The following PLEKHM3 variants were observed in gnomAD, a reference collection of about 807,000 sequenced individuals.
The protein encoded by PLEKHM3 is pleckstrin homology domain-containing family M member 3.
In PLEKHM3, 45 loss-of-function variants were observed where a neutral mutation model predicts 81.8. That is an observed-to-expected ratio of 0.55 (90% CI 0.43 to 0.71). The LOEUF is 0.71. Ranked by LOEUF, PLEKHM3 falls within the 30% of genes least tolerant of loss-of-function variation. The probability of loss-of-function intolerance (pLI) is 0.00; values close to 1 mark genes in which losing one functional copy is unlikely to be tolerated. For missense variants in PLEKHM3, 788 were observed against 924.3 expected (o/e 0.85, Z 1.91); for synonymous variants, 352 against 356.4 (o/e 0.99, Z 0.14).
At chr2:208,020,757 G>A (rs1298336516) in intron 1 of PLEKHM3, among the ~76,000 whole-genome samples, 3 of 152,258 alleles carry the variant, frequency 2.0e-5, no homozygotes, top group Middle Eastern at 3.4e-3. Context: ...TTATTTTAAG[G>A]GGTTAACATT....
chr2:208,024,552 T>G (rs1693254107), intron 1 of PLEKHM3, among the ~76,000 whole-genome samples: 1 of 152,222 alleles, frequency 6.6e-6, no homozygotes, highest in South Asian at 2.1e-4. Flanking sequence ...TTTCTTGAAG[T>G]CAGTCAGTCA....
intron 6 of PLEKHM3, among the ~76,000 whole-genome samples, chr2:207,888,480 T>G (rs1284702453): frequency 6.6e-6 from 1 of 152,154 alleles, no homozygotes; most frequent in Admixed American, 6.5e-5. Flanking sequence ...CACTGCAACC[T>G]CTGCCTCCTG....
chr2:207,947,224 G>A (rs1338271938), intron 3 of PLEKHM3, among the ~76,000 whole-genome samples: 1 of 152,100 alleles, frequency 6.6e-6, no homozygotes, highest in Non-Finnish European at 1.5e-5. Context: ...AACACAGCAT[G>A]CTTACTCCAC....
chr2:207,863,102 C>T lies in PLEKHM3; in HGVS notation c.1951-1840G>A, dbSNP rs79397628. Reference sequence around the variant, plus strand: ...ATCTCCTTCAATTGAAAGTCCCTCCCCTTCAACACTAGAGAACTGAGCCAT... The same window carrying T: ...ATCTCCTTCAATTGAAAGTCCCTCCTCTTCAACACTAGAGAACTGAGCCAT... On this transcript the variant is annotated intron_variant, in intron 6 of 7. Transcript: ENST00000427836. Among the ~76,000 whole-genome samples, 439 of 152,336 alleles carry T rather than the reference C, an allele frequency of 2.9e-3. 3 individuals carry two copies. The highest frequency in any genetic ancestry group is 0.01 in the African/African-American group (419 of 41,580).
Position 207,957,065 on chromosome 2 carries a change from TG to T in PLEKHM3, c.1547-10554del, listed in dbSNP as rs890966148. On this transcript the variant is annotated intron_variant, in intron 3 of 7. Coordinates refer to ENST00000427836, the MANE Select transcript of PLEKHM3 (RefSeq NM_001080475.3). ...AGACGTTGGGGGCATGCAAAGGGAC[TG>T]TTAAAGATGCTCATGATGTTTCAAG... Among the ~76,000 whole-genome samples, 21 of 152,206 alleles carry T rather than the reference TG, an allele frequency of 1.4e-4. No individual in the cohort carries two copies. In the South Asian group the frequency reaches 3.5e-3, roughly 26 times the overall value.
chr2:207,926,869 C>T (rs557025772), intron 5 of PLEKHM3, among the ~76,000 whole-genome samples: 34 of 152,326 alleles, frequency 2.2e-4, no homozygotes, highest in African/African-American at 6.7e-4. Flanking sequence ...CCTAATAAGG[C>T]GACGGCCAAA....
chr2:207,879,145 A>G (rs147168145), intron 6 of PLEKHM3, among the ~76,000 whole-genome samples: 25 of 152,138 alleles, frequency 1.6e-4, no homozygotes, highest in Non-Finnish European at 3.2e-4. Context: ...TATTATAATC[A>G]TTTTGCAGAT....
chr2:207,919,541 G>T (rs1689113556), intron 5 of PLEKHM3, among the ~76,000 whole-genome samples: 1 of 152,176 alleles, frequency 6.6e-6, no homozygotes, highest in South Asian at 2.1e-4. Context: ...GTGAAAAGTG[G>T]ATAGATTTTG....
At chr2:207,872,868 A>T (rs1013766365) in intron 6 of PLEKHM3, among the ~76,000 whole-genome samples, 1 of 152,214 alleles carries the variant, frequency 6.6e-6, no homozygotes, top group Admixed American at 6.5e-5. Context: ...GCTATTTGCC[A>T]AAACTAGAGA....
At chr2:207,887,713 A>T (rs1687923516) in intron 6 of PLEKHM3, among the ~76,000 whole-genome samples, 1 of 152,226 alleles carries the variant, frequency 6.6e-6, no homozygotes, top group Non-Finnish European at 1.5e-5. Context: ...GACATATATT[A>T]ACATATCTAA....
Position 207,977,092 on chromosome 2 carries a change from AG to A in PLEKHM3, c.1104del (p.Tyr369ThrfsTer3). ...CAGTTGTTTTGGACAGTCAGCCTGTAGAGAGTCCCTGATTTGAGGATGTTTT... is the reference window on the plus strand; with the variant it reads ...CAGTTGTTTTGGACAGTCAGCCTGTAAGAGTCCCTGATTTGAGGATGTTTT... The part of the protein sequence containing the change: ...QYQNILKSGT[L>X]YRLTVQNNWK... On this transcript the variant is annotated frameshift_variant, in exon 3 of 8. Coordinates refer to ENST00000427836, the MANE Select transcript of PLEKHM3 (RefSeq NM_001080475.3). LOFTEE classifies it high-confidence loss of function. 6.2e-7 allele frequency: 1 copy of A among 1,614,232 alleles called. No individual in the cohort carries two copies. The highest frequency in any genetic ancestry group is 8.5e-7 in the Non-Finnish European group (1 of 1,180,026).
Position 208,001,762 on chromosome 2 carries a change from A to C in PLEKHM3, c.-123T>G, listed in dbSNP as rs565177497. 1.4e-6 allele frequency: 2 copies of C among 1,476,238 alleles called. No individual in the cohort carries two copies. The highest frequency in any genetic ancestry group is 1.4e-5 in the African/African-American group (1 of 71,052). 91.4% of individuals were successfully genotyped at this position (1,476,238 alleles called of 1,614,324 possible). On this transcript the variant is annotated 5_prime_UTR_variant, in exon 2 of 8. An upstream start codon of the reference 5' UTR is lost. Coordinates refer to ENST00000427836, the MANE Select transcript of PLEKHM3 (RefSeq NM_001080475.3). ...ATGGAAACAACTGGAAGAAACCTTCATTGGGCTCCCTGGAGCAGGCCAAAC... is the reference window on the plus strand; with the variant it reads ...ATGGAAACAACTGGAAGAAACCTTCCTTGGGCTCCCTGGAGCAGGCCAAAC...
chr2:207,889,770 C>T (rs1218783173), intron 6 of PLEKHM3, among the ~76,000 whole-genome samples: 1 of 152,072 alleles, frequency 6.6e-6, no homozygotes, highest in Non-Finnish European at 1.5e-5. Context: ...CTCCCTTCCT[C>T]CTGCCACCCC....
intron 7 of PLEKHM3, 40 bp downstream of exon 7, chr2:207,861,065 C>T: frequency 1.9e-6 from 3 of 1,600,234 alleles, no homozygotes; most frequent in Non-Finnish European, 2.6e-6. Flanking sequence ...TGGCATATTA[C>T]ACATTTGGGT....
intron 2 of PLEKHM3, among the ~76,000 whole-genome samples, chr2:207,985,034 C>T (rs758376950): frequency 3.3e-5 from 5 of 151,952 alleles, no homozygotes; most frequent in Non-Finnish European, 7.4e-5. Flanking sequence ...CCCACTTCTA[C>T]GGATGTTAAG....
chr2:207,982,077 T>C (rs962662042), intron 2 of PLEKHM3, among the ~76,000 whole-genome samples: 3 of 152,194 alleles, frequency 2.0e-5, no homozygotes, highest in African/African-American at 7.2e-5. Flanking sequence ...ATAACCTACT[T>C]CCACTTAATG....
rs2092367448 is a variant in PLEKHM3, at chr2:207,843,816, G to A, written c.2109-15320C>T. Among the ~76,000 whole-genome samples the A allele has an allele frequency of 6.6e-6, 1 of 152,176 alleles. No homozygotes were observed. Among genetic ancestry groups the A allele is most frequent in the African/African-American group, 2.4e-5 (1 of 41,444 alleles). On this transcript the variant is annotated intron_variant, in intron 7 of 7. Transcript: ENST00000427836. This position sits in a 1 kb window ranked among gnomAD's most constrained non-coding sequence, Gnocchi z 4.4. The stretch of plus-strand genomic sequence containing the variant: ...AAAAAACGTGGAATTTGGGGCGGGA[G>A]TGGTGGCTCATGCCTGTAATCCCAG...
intron 3 of PLEKHM3, among the ~76,000 whole-genome samples, chr2:207,952,834 T>TA (rs1690371851): frequency 6.6e-6 from 1 of 152,184 alleles, no homozygotes; most frequent in Non-Finnish European, 1.5e-5. Context: ...GAATTCTACA[T>TA]AACTGTAAAG....
intron 4 of PLEKHM3, among the ~76,000 whole-genome samples, chr2:207,944,460 G>A (rs1447084438): frequency 6.6e-6 from 1 of 152,198 alleles, no homozygotes; most frequent in Non-Finnish European, 1.5e-5. Flanking sequence ...TGGCTGGAAG[G>A]AGGACAATGA....
Sources: allele counts gnomAD v4.1 joint callset (sites outside exome capture counted in the v4.1 genomes callset), GRCh38; gene constraint gnomAD v4.1.1; non-coding constraint Gnocchi (gnomAD v3.1); transcripts MANE v1.5; gene names NCBI Gene and HGNC (gene_info 2026-07-23, HGNC 2026-07-21).